CSMD3: variants seen among roughly 807,000 people sequenced by gnomAD.
The protein encoded by CSMD3 is CUB and sushi domain-containing protein 3.
CSMD3 carries 177 observed loss-of-function variants against 435.2 expected under a neutral mutation model. The ratio of observed to expected loss-of-function variants is 0.41; its 90% CI spans 0.36 to 0.46. The LOEUF (loss-of-function observed/expected upper bound fraction) is 0.46, where lower values mean the gene tolerates loss of function less well. Among genes scored for constraint, CSMD3 ranks in the 20% least tolerant of loss-of-function variants. CSMD3 has a pLI of 0.34. For synonymous variants in CSMD3, 1,656 were observed against 1,520.5 expected (o/e 1.09, Z -2.07); for missense variants, 4,265 against 4,504.6 (o/e 0.95, Z 1.52).
chr8:113,140,714 G>A (rs577438025), intron 4 of CSMD3, among the ~76,000 whole-genome samples: 1 of 150,768 alleles, frequency 6.6e-6, no homozygotes, highest in Non-Finnish European at 1.5e-5. Context: ...TAAACTAAAT[G>A]AAAATGTAAA....
chr8:112,441,000 T>C (rs190279383), intron 32 of CSMD3, among the ~76,000 whole-genome samples: 155 of 152,334 alleles, frequency 1.0e-3, no homozygotes, highest in Non-Finnish European at 2.0e-3. Context: ...TTGTAACTTA[T>C]GCAGATTTCT....
At chr8:113,150,620 A>G (rs886550881) in intron 4 of CSMD3, among the ~76,000 whole-genome samples, 3 of 152,012 alleles carry the variant, frequency 2.0e-5, no homozygotes, top group Non-Finnish European at 4.4e-5. Context: ...TTTTGTCTTA[A>G]GCTGCTATGT....
chr8:112,653,871 G>A (rs556804106), intron 18 of CSMD3, among the ~76,000 whole-genome samples: 3 of 152,146 alleles, frequency 2.0e-5, no homozygotes, highest in South Asian at 4.1e-4. Flanking sequence ...TGTTGGTCAG[G>A]CTGGTCTTGA....
intron 27 of CSMD3, among the ~76,000 whole-genome samples, chr8:112,524,266 C>T (rs181387685): frequency 6.6e-6 from 1 of 150,778 alleles, no homozygotes; most frequent in Non-Finnish European, 1.5e-5. Flanking sequence ...ATTTTACATC[C>T]AAAGATTACA....
In CSMD3 at chr8:112,517,090, G is replaced by C. The variant is rs1427251143; in HGVS notation, c.4700C>G (p.Thr1567Ser). ...GYELQGEERI[T>S]CIQVENRYFW... ...GTACCGATTTTCTACCTGAATGCAGGTTATTCTTTCCTCTCCTTGAAGTTC... is the reference window on the plus strand; with the variant it reads ...GTACCGATTTTCTACCTGAATGCAGCTTATTCTTTCCTCTCCTTGAAGTTC... The change falls in exon 28 of 71, where the codon ACC becomes AGC. Residue 1567 changes from threonine (T) to serine (S), a missense_variant. Transcript: ENST00000297405. The C allele has an allele frequency of 1.9e-5, 31 of 1,613,764 alleles. No homozygotes were observed. Among genetic ancestry groups the C allele is most frequent in the Non-Finnish European group, 2.6e-5 (31 of 1,179,910 alleles).
chr8:113,166,225 C>G (rs1420449035), intron 4 of CSMD3, among the ~76,000 whole-genome samples: 1 of 152,018 alleles, frequency 6.6e-6, no homozygotes, highest in East Asian at 1.9e-4. Flanking sequence ...GAGTTTATGG[C>G]TGGGTGCGGT....
At chr8:113,118,341 A>G (rs1217743061) in intron 4 of CSMD3, among the ~76,000 whole-genome samples, 2 of 152,182 alleles carry the variant, frequency 1.3e-5, no homozygotes, top group Non-Finnish European at 2.9e-5. Context: ...TTGCTTCTCA[A>G]TATGTCCATA....
chr8:112,633,934 G>T (rs1456886842), intron 22 of CSMD3, among the ~76,000 whole-genome samples: 2 of 151,950 alleles, frequency 1.3e-5, no homozygotes, highest in Non-Finnish European at 2.9e-5. Flanking sequence ...GTACCCTTGT[G>T]CCAGGAAAAG....
intron 13 of CSMD3, among the ~76,000 whole-genome samples, chr8:112,713,683 G>A (rs758652377): frequency 5.3e-5 from 8 of 152,122 alleles, no homozygotes; most frequent in Non-Finnish European, 7.3e-5. Flanking sequence ...AAAAGGCCAG[G>A]TCACCTACAA....
chr8:113,436,050 G>T (rs971302100), intron 1 of CSMD3, among the ~76,000 whole-genome samples: 1 of 151,952 alleles, frequency 6.6e-6, no homozygotes, highest in Admixed American at 6.6e-5. Context: ...ACACTTCATG[G>T]CATTTCAGAC....
At chr8:112,988,617 C>A (rs2085338609) in intron 6 of CSMD3, among the ~76,000 whole-genome samples, 1 of 152,028 alleles carries the variant, frequency 6.6e-6, no homozygotes, top group South Asian at 2.1e-4. Flanking sequence ...TGGGCATGAA[C>A]AAAGATTCTG....
chr8:112,430,126 A>G (rs1016043017), intron 32 of CSMD3, among the ~76,000 whole-genome samples: 4 of 152,086 alleles, frequency 2.6e-5, no homozygotes, highest in African/African-American at 9.7e-5. Context: ...TGAATCAAAT[A>G]CTTGTACGAG....
intron 1 of CSMD3, among the ~76,000 whole-genome samples, chr8:113,366,199 C>T (rs1245906768): frequency 1.3e-5 from 2 of 151,906 alleles, no homozygotes; most frequent in Admixed American, 6.6e-5. Flanking sequence ...TTGTTTGCTT[C>T]TATTTTTGCA....
intron 10 of CSMD3, among the ~76,000 whole-genome samples, chr8:112,886,303 TAA>T (rs1211261760): frequency 1.3e-5 from 2 of 151,794 alleles, no homozygotes; most frequent in African/African-American, 4.8e-5. Context: ...ATATAAATGT[TAA>T]GTCATTTTTC....
At chr8:113,141,929 A>G (rs1283371349) in intron 4 of CSMD3, among the ~76,000 whole-genome samples, 1 of 151,064 alleles carries the variant, frequency 6.6e-6, no homozygotes, top group East Asian at 1.9e-4. Context: ...GCAGGGTCTC[A>G]GAATATAAAA....
At chr8:113,234,454 G>C (rs1029299136) in intron 3 of CSMD3, among the ~76,000 whole-genome samples, 2 of 152,060 alleles carry the variant, frequency 1.3e-5, no homozygotes, top group Non-Finnish European at 2.9e-5. Context: ...CCTTAGAAAG[G>C]AAGCTAAGTG....
At chr8:113,310,658 G>C (rs1223031336) in intron 2 of CSMD3, 2 of 151,808 alleles carry the variant, frequency 1.3e-5, no homozygotes, top group Non-Finnish European at 2.9e-5. Flanking sequence ...GGAAGACTGA[G>C]AGGTAATGAA....
At chr8:112,356,316 T>C (rs1197033062) in intron 38 of CSMD3, among the ~76,000 whole-genome samples, 1 of 152,040 alleles carries the variant, frequency 6.6e-6, no homozygotes, top group East Asian at 1.9e-4. Flanking sequence ...CATTAAATAA[T>C]ATGCAGCCAT....
At chr8:112,401,752 A>G (rs1265685754) in intron 35 of CSMD3, among the ~76,000 whole-genome samples, 7 of 152,146 alleles carry the variant, frequency 4.6e-5, no homozygotes, top group Non-Finnish European at 2.9e-5. Flanking sequence ...CATTTTTCCT[A>G]AACTTTCATA....
Sources: allele counts gnomAD v4.1 joint callset (sites outside exome capture counted in the v4.1 genomes callset), GRCh38; gene constraint gnomAD v4.1.1; transcripts MANE v1.5; gene names NCBI Gene and HGNC (gene_info 2026-07-23, HGNC 2026-07-21).